The following GRIN1 variants were observed in gnomAD, a reference collection of about 807,000 sequenced individuals.
GRIN1 encodes glutamate receptor ionotropic, NMDA 1.
Under a neutral mutation model 103.0 loss-of-function variants are expected in GRIN1, and 38 were observed. The observed-to-expected ratio is 0.37, with a 90% CI of 0.28 to 0.48. GRIN1 has a LOEUF of 0.48. Among genes scored for constraint, GRIN1 ranks in the 20% least tolerant of loss-of-function variants. The probability of loss-of-function intolerance (pLI) is 0.98; values close to 1 mark genes in which losing one functional copy is unlikely to be tolerated. For synonymous variants in GRIN1, 544 were observed against 532.7 expected, an observed-to-expected ratio of 1.02 and a Z score of -0.29; for missense variants, 577 against 1,288.9, an observed-to-expected ratio of 0.45 and a Z score of 8.46.
intron 4 of GRIN1, among the ~76,000 whole-genome samples, chr9:137,152,373 A>C (rs372040000): frequency 3.3e-5 from 5 of 152,132 alleles, no homozygotes; most frequent in African/African-American, 1.2e-4. Context: ...AGATGGGTCA[A>C]CTCAAGGAAT....
chr9:137,148,937 G>C, intron 3 of GRIN1, 72 bp from the exon 4 acceptor site: 1 of 1,143,906 alleles, frequency 8.7e-7, no homozygotes, highest in South Asian at 1.3e-5. Context: ...AGCGGCTCCG[G>C]CCCAACTCTC....
Position 137,139,801 on chromosome 9 carries a change from A to AC in GRIN1, c.258+62dup. 7.7e-7 allele frequency: 1 copy of AC among 1,293,752 alleles called. No individual in the cohort carries two copies. The highest frequency in any genetic ancestry group is 1.1e-6 in the Non-Finnish European group (1 of 902,172). 80.1% of individuals were successfully genotyped at this position (1,293,752 alleles called of 1,614,324 possible). A position where few individuals can be genotyped will look rare whatever the true frequency, so the allele number is the denominator to read the frequency against. On this transcript the variant is annotated intron_variant, in intron 1 of 19. Coordinates refer to ENST00000371561, the MANE Select transcript of GRIN1 (RefSeq NM_007327.4). This position sits in a 1 kb window ranked among gnomAD's most constrained non-coding sequence, Gnocchi z 7.7. ...CCTCTCCTCCATCCTGCAACCCCACACCCCCAGTTTCATTCCATCCTTTCC... is the reference window on the plus strand; with the variant it reads ...CCTCTCCTCCATCCTGCAACCCCACACCCCCCAGTTTCATTCCATCCTTTCC...
Position 137,139,395 on chromosome 9 carries a change from G to T in GRIN1, c.-92G>T. ...CGTGGCGTCCGCAGCCCGCGGGGCCGGGCGAGCGCAGGACGGCCCGGAAGC... is the reference window on the plus strand; with the variant it reads ...CGTGGCGTCCGCAGCCCGCGGGGCCTGGCGAGCGCAGGACGGCCCGGAAGC... On this transcript the variant is annotated 5_prime_UTR_variant, in exon 1 of 20. Transcript: ENST00000371561. This position sits in a 1 kb window ranked among gnomAD's most constrained non-coding sequence, Gnocchi z 7.7. 1 of 850,466 alleles carries T rather than the reference G, an allele frequency of 1.2e-6. No homozygotes were observed. Among genetic ancestry groups the T allele is most frequent in the South Asian group, 5.8e-5 (1 of 17,330 alleles). 52.7% of individuals were successfully genotyped at this position (850,466 alleles called of 1,614,324 possible). A position where few individuals can be genotyped will look rare whatever the true frequency, so the allele number is the denominator to read the frequency against.
At position 137,156,726 on chromosome 9, in the gene GRIN1, C is replaced by T; in HGVS notation, c.729C>T (p.Ser243=). The T allele has an allele frequency of 5.7e-6, 9 of 1,590,836 alleles. No individual in the cohort carries two copies. Among genetic ancestry groups the T allele is most frequent in the Non-Finnish European group, 7.7e-6 (9 of 1,169,694 alleles). The change falls in exon 5 of 20, where the codon TCC becomes TCT. Residue 243 remains serine, a synonymous_variant. Coordinates refer to ENST00000371561, the MANE Select transcript of GRIN1 (RefSeq NM_007327.4). ...RAAAMLNMTG[S]GYVWLVGERE... ...CCGCGATGCTGAACATGACGGGCTC[C>T]GGGTACGTGTGGCTGGTCGGCGAGC...
At chr9:137,165,567 G>A in intron 19 of GRIN1, 1 of 521,594 alleles carries the variant, frequency 1.9e-6, no homozygotes, top group South Asian at 2.0e-5. Flanking sequence ...ACGCCATCTT[G>A]AAGCCTGTCA....
chr9:137,165,560 C>T, intron 19 of GRIN1: 1 of 528,696 alleles, frequency 1.9e-6, no homozygotes, highest in Non-Finnish European at 3.5e-6. Context: ...GACCCACACG[C>T]CATCTTGAAG....
At position 137,167,640 on chromosome 9, in the gene GRIN1, C is replaced by T; in HGVS notation, c.*113C>T. On this transcript the variant is annotated 3_prime_UTR_variant, in exon 20 of 20. Coordinates refer to ENST00000371561, the MANE Select transcript of GRIN1 (RefSeq NM_007327.4). ...GAGCACCACGGGGTCGGGGGAGGAG[C>T]ACCCCCAGCCTCCCCCAGGCTGCGC... 6.6e-7 allele frequency: 1 copy of T among 1,505,670 alleles called. No homozygotes were observed. Among genetic ancestry groups the T allele is most frequent in the East Asian group, 2.5e-5 (1 of 40,214 alleles). The allele number at this position is 1,505,670 out of a possible 1,614,324, so 93.3% of individuals were successfully genotyped here. A position where few individuals can be genotyped will look rare whatever the true frequency, so the allele number is the denominator to read the frequency against.
At chr9:137,144,090 C>T (rs180951295) in intron 2 of GRIN1, among the ~76,000 whole-genome samples, 16 of 152,292 alleles carry the variant, frequency 1.1e-4, no homozygotes, top group East Asian at 3.9e-4. Context: ...GGGGGATCTT[C>T]GAGGCGCTAT....
intron 4 of GRIN1, among the ~76,000 whole-genome samples, chr9:137,151,409 G>C (rs1233286906): frequency 2.1e-5 from 3 of 143,554 alleles, no homozygotes; most frequent in African/African-American, 7.9e-5. Flanking sequence ...GACCCGCCCA[G>C]GGAAAACTCC....
intron 8 of GRIN1, 80 bp downstream of exon 8, chr9:137,158,784 C>A (rs575194540): frequency 2.5e-5 from 27 of 1,062,468 alleles, no homozygotes; most frequent in Non-Finnish European, 3.1e-5. Flanking sequence ...GAGGAGGGTG[C>A]GGTGAGGTCA....
chr9:137,164,237 G>C (rs997167392), intron 18 of GRIN1: 2 of 413,528 alleles, frequency 4.8e-6, no homozygotes, highest in Middle Eastern at 7.6e-4. Context: ...GCCCGCCTGT[G>C]TATGGCACGT....
Position 137,163,240 on chromosome 9 carries a change from C to A in GRIN1, c.2243C>A (p.Thr748Lys). Reference sequence around the variant, plus strand: ...GCCTCGCAGAAGTGCGACCTGGTGACGACTGGAGAGCTGTTTTTCCGCTCG... The same window carrying A: ...GCCTCGCAGAAGTGCGACCTGGTGAAGACTGGAGAGCTGTTTTTCCGCTCG... The part of the protein sequence containing the change: ...FEASQKCDLV[T>K]TGELFFRSGF... The change falls in exon 16 of 20, where the codon ACG becomes AAG. Residue 748 changes from threonine to lysine, a missense_variant. Physicochemically the swap from Thr to Lys is moderately conservative, Grantham distance 78. Coordinates refer to ENST00000371561, the MANE Select transcript of GRIN1 (RefSeq NM_007327.4). 1 of 1,613,746 alleles carries A rather than the reference C, an allele frequency of 6.2e-7. No individual in the cohort carries two copies. Among genetic ancestry groups the A allele is most frequent in the Non-Finnish European group, 8.5e-7 (1 of 1,179,934 alleles).
At chr9:137,160,217 G>C (rs1198473325) in intron 8 of GRIN1, among the ~76,000 whole-genome samples, 1 of 152,228 alleles carries the variant, frequency 6.6e-6, no homozygotes, top group East Asian at 1.9e-4. Context: ...CGGGACTGGG[G>C]GCCGGGACAG....
chr9:137,148,303 G>A (rs895155773), intron 3 of GRIN1: 18 of 842,828 alleles, frequency 2.1e-5, no homozygotes, highest in Admixed American at 1.7e-4. Context: ...TGGCCCAGCC[G>A]CCGAGCCGCA....
intron 16 of GRIN1, 100 bp downstream of exon 16, chr9:137,163,430 A>T (rs1051060956): frequency 2.0e-6 from 3 of 1,488,248 alleles, no homozygotes; most frequent in East Asian, 2.3e-5. Context: ...CTGATTTCCC[A>T]CCCAGGCCGG....
intron 3 of GRIN1, among the ~76,000 whole-genome samples, chr9:137,147,342 C>T (rs909596593): frequency 2.0e-5 from 3 of 151,992 alleles, no homozygotes; most frequent in Admixed American, 2.0e-4. Flanking sequence ...CCTGGACACA[C>T]GCTCAGGTGC....
chr9:137,164,874 C>T (rs1027123381), intron 18 of GRIN1: 22 of 409,542 alleles, frequency 5.4e-5, no homozygotes, highest in Non-Finnish European at 8.8e-5. Flanking sequence ...CCTCAGAGGA[C>T]TCCTCCTCCT....
chr9:137,156,826 G>A lies in GRIN1; in HGVS notation c.793+36G>A, dbSNP rs763534697. The A allele has an allele frequency of 4.4e-6, 7 of 1,605,564 alleles. 1 individual carries two copies. The South Asian group carries it at 7.8e-5, about 18-fold the overall frequency. On this transcript the variant is annotated intron_variant, in intron 5 of 19. Transcript: ENST00000371561. The stretch of plus-strand genomic sequence containing the variant: ...GGCCTTGGCGGGGTCCCCGAACGGG[G>A]AGGACCCCACGGGCTCTGAGTCGCA...
chr9:137,139,322 G>C lies in GRIN1; in HGVS notation c.-165G>C. ...GCCCCGAGCCCCCGCGCACGCTTCA[G>C]CGCCCCTTCCCTCGGCCGACGTCCC... is the stretch of plus-strand genomic sequence containing the variant. On this transcript the variant is annotated 5_prime_UTR_variant, in exon 1 of 20. Transcript: ENST00000371561. This position sits in a 1 kb window ranked among gnomAD's most constrained non-coding sequence, Gnocchi z 7.7. 1 of 294,668 alleles carries C rather than the reference G, an allele frequency of 3.4e-6. No homozygotes were observed. Among genetic ancestry groups the C allele is most frequent in the Non-Finnish European group, 5.9e-6 (1 of 169,002 alleles). 18.3% of individuals were successfully genotyped at this position (294,668 alleles called of 1,614,324 possible). A position where few individuals can be genotyped will look rare whatever the true frequency, so the allele number is the denominator to read the frequency against.
Sources: allele counts gnomAD v4.1 joint callset (sites outside exome capture counted in the v4.1 genomes callset), GRCh38; gene constraint gnomAD v4.1.1; non-coding constraint Gnocchi (gnomAD v3.1); transcripts MANE v1.5; gene names NCBI Gene and HGNC (gene_info 2026-07-23, HGNC 2026-07-21).